ATXN2L: variants seen among roughly 807,000 people sequenced by gnomAD.
ATXN2L encodes the protein ataxin-2-like protein.
A neutral mutation model predicts 120.7 loss-of-function variants in ATXN2L; 24 were observed. That is an observed-to-expected ratio of 0.20 (90% CI 0.14 to 0.28). The LOEUF is 0.28. Among genes scored for constraint, ATXN2L ranks in the 10% least tolerant of loss-of-function variants. The pLI is 1.00. For missense variants in ATXN2L, 1,312 were observed against 1,432.3 expected, an observed-to-expected ratio of 0.92 and a Z score of 1.36; for synonymous variants, 653 against 568.1, an observed-to-expected ratio of 1.15 and a Z score of -2.13.
In ATXN2L at chr16:28,836,241, T is replaced by G. The variant is rs1414089908; in HGVS notation, c.3204T>G (p.Asp1068Glu). 1.9e-6 allele frequency: 3 copies of G among 1,613,282 alleles called. No individual in the cohort carries two copies. Among genetic ancestry groups the G allele is most frequent in the Non-Finnish European group, 1.7e-6 (2 of 1,179,518 alleles). The part of the protein sequence containing the change: ...GRAEGLQVGQ[D>E]ARVLGGE ...CTGAGGGGCTGCAGGTGGGGCAGGA[T>G]GCACGGGTTCTGGGTGGGGAGTGAG... Residue 1068 changes from aspartate to glutamate, a missense_variant, in exon 22 of 22, where the codon GAT (aspartate) becomes GAG (glutamate). Transcript: ENST00000336783.
intron 10 of ATXN2L, among the ~76,000 whole-genome samples, chr16:28,831,304 TCAGTTGCTAA>T (rs1406243278): frequency 1.3e-5 from 2 of 152,156 alleles, no homozygotes; most frequent in Non-Finnish European, 2.9e-5. Flanking sequence ...TAGATTTGAA[TCAGTTGCTAA>T]GTTTTGTTTT....
intron 17 of ATXN2L, 31 bp from the exon 18 acceptor site, chr16:28,834,475 C>G (rs776947436): frequency 1.2e-6 from 2 of 1,612,818 alleles, no homozygotes; most frequent in Non-Finnish European, 1.7e-6. Flanking sequence ...GCAGGTGGAG[C>G]TTGAGCTCTC....
chr16:28,832,075 G>C lies in ATXN2L; in HGVS notation c.1322-130G>C. 3 of 963,472 alleles carry C rather than the reference G, an allele frequency of 3.1e-6. No homozygotes were observed. The South Asian group carries it at 5.0e-5, about 16-fold the overall frequency. The allele number at this position is 963,472 out of a possible 1,614,324, so 59.7% of individuals were successfully genotyped here. ...TACCTGCTTGTGTTACCTGCCTTGAGCTTCTAGACATTTAAGTTGGTGACT... is the reference window on the plus strand; with the variant it reads ...TACCTGCTTGTGTTACCTGCCTTGACCTTCTAGACATTTAAGTTGGTGACT... On this transcript the variant is annotated intron_variant, in intron 10 of 21. Transcript: ENST00000336783.
Position 28,836,573 on chromosome 16 carries a change from A to G in ATXN2L, c.*308A>G. On this transcript the variant is annotated 3_prime_UTR_variant, in exon 22 of 22. Transcript: ENST00000336783. Reference sequence around the variant, plus strand: ...TGAGGGCTCTGGCTTACTGGGAAACAGCGATTGACCTGTGCTTCTGACAGC... The same window carrying G: ...TGAGGGCTCTGGCTTACTGGGAAACGGCGATTGACCTGTGCTTCTGACAGC... 3.2e-6 allele frequency: 5 copies of G among 1,568,086 alleles called. No individual in the cohort carries two copies. In the Admixed American group the frequency reaches 5.6e-5, roughly 18 times the overall value.
At chr16:28,824,700 C>G (rs956530344) in intron 1 of ATXN2L, 7 of 733,996 alleles carry the variant, frequency 9.5e-6, no homozygotes, top group East Asian at 1.7e-4. Context: ...AGCTGCACTC[C>G]TGGAGCTTTT....
At chr16:28,824,083 G>A (rs2050718819) in intron 1 of ATXN2L, 2 of 1,005,334 alleles carry the variant, frequency 2.0e-6, no homozygotes, top group African/African-American at 1.7e-5. Flanking sequence ...GTGGGCGGGG[G>A]GACGGAAGGA....
chr16:28,834,491 C>T lies in ATXN2L; in HGVS notation c.2246-15C>T. 6.2e-7 allele frequency: 1 copy of T among 1,612,676 alleles called. No homozygotes were observed. Among genetic ancestry groups the T allele is most frequent in the South Asian group, 1.1e-5 (1 of 91,018 alleles). On this transcript the variant is annotated splice_polypyrimidine_tract_variant and intron_variant, in intron 17 of 21. Transcript: ENST00000336783. ...CAGGTGGAGCTTGAGCTCTCCTCTCCTCCTCCTCTTCCAGGCTCCCTTCCT... is the reference window on the plus strand; with the variant it reads ...CAGGTGGAGCTTGAGCTCTCCTCTCTTCCTCCTCTTCCAGGCTCCCTTCCT...
intron 16 of ATXN2L, 57 bp downstream of exon 16, chr16:28,834,268 GT>G (rs2055666519): frequency 1.2e-6 from 2 of 1,610,514 alleles, no homozygotes; most frequent in East Asian, 4.5e-5. Context: ...GGTTGCGCTG[GT>G]TGAGGGACCA....
chr16:28,836,101 C>T lies in ATXN2L; in HGVS notation c.3064C>T (p.Pro1022Ser), dbSNP rs778715582. ...ALSASTPSPY[P>S]YIGHPQGEQP... ...CTCAGCTTCCACACCCTCACCCTACCCCTACATCGGACACCCCCAAGGTGA... is the reference window on the plus strand; with the variant it reads ...CTCAGCTTCCACACCCTCACCCTACTCCTACATCGGACACCCCCAAGGTGA... The change falls in exon 22 of 22, where the codon CCC becomes TCC. Residue 1022 changes from proline (P) to serine (S), a missense_variant. Pro to Ser is a moderately conservative substitution (Grantham distance 74, BLOSUM62 -1). Coordinates refer to ENST00000336783, the MANE Select transcript of ATXN2L (RefSeq NM_007245.4). The T allele has an allele frequency of 3.2e-5, 51 of 1,614,050 alleles. No individual in the cohort carries two copies. Among genetic ancestry groups the T allele is most frequent in the Non-Finnish European group, 4.0e-5 (47 of 1,180,006 alleles).
intron 8 of ATXN2L, 102 bp downstream of exon 8, chr16:28,830,160 TA>T: frequency 8.5e-7 from 1 of 1,178,752 alleles, no homozygotes; most frequent in South Asian, 1.7e-5. Context: ...TGTGACCATG[TA>T]AAATGTCATA....
At position 28,831,049 on chromosome 16, in the gene ATXN2L, C is replaced by A. The variant is rs755700917; in HGVS notation, c.1298C>A (p.Thr433Asn). The A allele has an allele frequency of 2.2e-5, 35 of 1,610,368 alleles. No individual in the cohort carries two copies. The highest frequency in any genetic ancestry group is 2.7e-5 in the Non-Finnish European group (32 of 1,178,708). The change falls in exon 10 of 22, where the codon ACT becomes AAT. Residue 433 changes from threonine (T) to asparagine (N), a missense_variant. Coordinates refer to ENST00000336783, the MANE Select transcript of ATXN2L (RefSeq NM_007245.4). ...SSPSNRPSGE[T>N]SVPPPPAVGR... Reference sequence around the variant, plus strand: ...CCCAGTAATAGGCCTTCTGGAGAAACTTCTGTTCCACCTCCTCCTGCAGGT... The same window carrying A: ...CCCAGTAATAGGCCTTCTGGAGAAAATTCTGTTCCACCTCCTCCTGCAGGT...
chr16:28,830,800 G>A lies in ATXN2L; in HGVS notation c.1210+10G>A, dbSNP rs762189904. 1 of 1,583,870 alleles carries A rather than the reference G, an allele frequency of 6.3e-7. No homozygotes were observed. Among genetic ancestry groups the A allele is most frequent in the Non-Finnish European group, 8.6e-7 (1 of 1,165,624 alleles). The stretch of plus-strand genomic sequence containing the variant: ...CGTGGTATCAATGGAGGTGAGTTAT[G>A]AGGTGACTTTGAGGAAGAGGGCAGG... On this transcript the variant is annotated intron_variant, in intron 9 of 21. Coordinates refer to ENST00000336783, the MANE Select transcript of ATXN2L (RefSeq NM_007245.4).
chr16:28,827,133 AG>A, intron 6 of ATXN2L, 147 bp downstream of exon 6: 1 of 940,548 alleles, frequency 1.1e-6, no homozygotes, highest in Non-Finnish European at 1.4e-6. Context: ...AAAATAGCAA[AG>A]TAAAAATATC....
chr16:28,830,721 C>A lies in ATXN2L; in HGVS notation c.1141C>A (p.Pro381Thr). The stretch of plus-strand genomic sequence containing the variant: ...TCGGCCTGGCCTTAGCTCTTTGCCA[C>A]CTCGTGGCCCTCACCATCTGGACAA... Reference protein sequence around the residue: ...GGRPGLSSLPPRGPHHLDNSS... With the variant: ...GGRPGLSSLPTRGPHHLDNSS... The change falls in exon 9 of 22, where the codon CCT (proline) becomes ACT (threonine). Residue 381 changes from proline (P) to threonine (T), a missense_variant. Coordinates refer to ENST00000336783, the MANE Select transcript of ATXN2L (RefSeq NM_007245.4). 1 of 1,613,714 alleles carries A rather than the reference C, an allele frequency of 6.2e-7. No individual in the cohort carries two copies. Among genetic ancestry groups the A allele is most frequent in the South Asian group, 1.1e-5 (1 of 91,022 alleles).
Position 28,834,705 on chromosome 16 carries a change from C to A in ATXN2L, c.2433+12C>A. The A allele has an allele frequency of 6.2e-7, 1 of 1,600,336 alleles. No individual in the cohort carries two copies. Among genetic ancestry groups the A allele is most frequent in the Non-Finnish European group, 8.5e-7 (1 of 1,170,848 alleles). ...ACTACCCCTCACAGGTGACTGCGGC[C>A]CAGGAGGGCAGTGAGGATCCAGGGC... On this transcript the variant is annotated intron_variant, in intron 18 of 21. Transcript: ENST00000336783.
Position 28,823,511 on chromosome 16 carries a change from G to A in ATXN2L, c.252G>A (p.Pro84=). 1 of 1,389,258 alleles carries A rather than the reference G, an allele frequency of 7.2e-7. No individual in the cohort carries two copies. 86.1% of individuals were successfully genotyped at this position (1,389,258 alleles called of 1,614,324 possible). The change falls in exon 1 of 22, where the codon CCG becomes CCA. Residue 84 remains proline (P), a synonymous_variant. Coordinates refer to ENST00000336783, the MANE Select transcript of ATXN2L (RefSeq NM_007245.4). Reference sequence around the variant, plus strand: ...TCTTGGCGCCGCAGCCGCCGCCGCCGCAGCAACACCAGGAGAGGCCGGGGG... The same window carrying A: ...TCTTGGCGCCGCAGCCGCCGCCGCCACAGCAACACCAGGAGAGGCCGGGGG... ...EGILAPQPPP[P]QQHQERPGAA...
Position 28,829,969 on chromosome 16 carries a change from G to A in ATXN2L, c.945G>A (p.Met315Ile). The change falls in exon 8 of 22, where the codon ATG becomes ATA. Residue 315 changes from methionine (M) to isoleucine (I), a missense_variant. Transcript: ENST00000336783. ...SSPQYRLRIA[M>I]ENDDGRTEEE... Reference sequence around the variant, plus strand: ...CCCAGTACCGCCTACGGATCGCCATGGAGAACGACGATGGGCGCACTGAAG... The same window carrying A: ...CCCAGTACCGCCTACGGATCGCCATAGAGAACGACGATGGGCGCACTGAAG... 6.2e-7 allele frequency: 1 copy of A among 1,614,226 alleles called. No homozygotes were observed. Among genetic ancestry groups the A allele is most frequent in the Non-Finnish European group, 8.5e-7 (1 of 1,180,048 alleles).
intron 19 of ATXN2L, 22 bp from the exon 20 acceptor site, chr16:28,835,256 T>TTC: frequency 1.2e-6 from 2 of 1,613,742 alleles, no homozygotes; most frequent in East Asian, 4.5e-5. Context: ...TCAGCACTGG[T>TTC]TCTCCCTCTT....
rs771844913 is a variant in ATXN2L at position 28,835,060 on chromosome 16, G to A, written c.2436G>A (p.Pro812=). The change falls in exon 19 of 22, where the codon CCG becomes CCA. Residue 812 remains proline (P), a splice_region_variant and synonymous_variant. Transcript: ENST00000336783. ...MQPMAHYPSQ[P]VFAPMLQSNP... ...CACTCCTCTCTCTGTCCCGCCAGCC[G>A]GTGTTTGCCCCCATGCTTCAGAGCA... 3 of 1,610,350 alleles carry A rather than the reference G, an allele frequency of 1.9e-6. No individual in the cohort carries two copies. The highest frequency in any genetic ancestry group is 2.5e-6 in the Non-Finnish European group (3 of 1,178,190).
Sources: gnomAD v4.1 joint callset for allele counts (sites outside exome capture counted in the v4.1 genomes callset) on GRCh38, gnomAD v4.1.1 for gene constraint, MANE v1.5 for transcripts, NCBI Gene and HGNC (gene_info 2026-07-23, HGNC 2026-07-21) for gene names.